The following MIR17HG variants were observed in gnomAD, a reference collection of about 807,000 sequenced individuals.
MIR17HG encodes miR-17-92a-1 cluster host gene.
Position 91,348,359 on chromosome 13 carries a change from C to T in MIR17HG, n.140+400C>T, listed in dbSNP as rs1362877173. On this transcript the variant is annotated intron_variant and non_coding_transcript_variant, in intron 1 of 3. Transcript: ENST00000400282. ...GGGGCGCGCGCGGGGCGTGGGGTCT[C>T]TGGGTAGGAAAGTTTCTCCCGAGGG... 2.0e-5 allele frequency among the ~76,000 whole-genome samples: 3 copies of T among 150,842 alleles called. 1 individual carries two copies. Among genetic ancestry groups the T allele is most frequent in the East Asian group, 3.9e-4 (2 of 5,078 alleles).
At chr13:91,353,219 A>G (rs1055508945) in intron 3 of MIR17HG, among the ~76,000 whole-genome samples, 1 of 151,718 alleles carries the variant, frequency 6.6e-6, no homozygotes, top group Non-Finnish European at 1.5e-5. Flanking sequence ...TAAAAACTGG[A>G]ACAGTGTGAT....
At chr13:91,348,565 G>T (rs1031692883) in intron 1 of MIR17HG, among the ~76,000 whole-genome samples, 1 of 151,250 alleles carries the variant, frequency 6.6e-6, no homozygotes, top group African/African-American at 2.4e-5. Context: ...CGCCGAGATC[G>T]GCGCGGCCTG....
intron 3 of MIR17HG, chr13:91,353,902 A>G (rs1875446965): frequency 6.6e-6 from 1 of 152,190 alleles, no homozygotes; most frequent in African/African-American, 2.4e-5. Context: ...TGGTGATTTT[A>G]CTGAAAACTT....
chr13:91,352,943 T>C (rs1226266919), intron 3 of MIR17HG, among the ~76,000 whole-genome samples: 1 of 151,708 alleles, frequency 6.6e-6, no homozygotes, highest in Non-Finnish European at 1.5e-5. Context: ...ACGCTGTCTC[T>C]ACTAAAAATA....
chr13:91,352,857 C>T (rs946999778), intron 3 of MIR17HG, among the ~76,000 whole-genome samples: 2 of 152,046 alleles, frequency 1.3e-5, no homozygotes, highest in Non-Finnish European at 2.9e-5. Context: ...ACCTATAATC[C>T]TAGCACTTGG....
At chr13:91,353,569 G>A (rs1776940594) in intron 3 of MIR17HG, among the ~76,000 whole-genome samples, 2 of 152,146 alleles carry the variant, frequency 1.3e-5, no homozygotes, top group African/African-American at 4.8e-5. Flanking sequence ...TGTAAGTATT[G>A]TATAAAAAGA....
intron 3 of MIR17HG, chr13:91,350,441 A>G: frequency 5.3e-6 from 2 of 373,896 alleles, no homozygotes; most frequent in Non-Finnish European, 1.1e-5. Flanking sequence ...AATGGACCTC[A>G]TATCTTTGAG....
At chr13:91,353,258 A>G (rs1021334996) in intron 3 of MIR17HG, among the ~76,000 whole-genome samples, 1 of 152,154 alleles carries the variant, frequency 6.6e-6, no homozygotes, top group Non-Finnish European at 1.5e-5. Flanking sequence ...TTTCTTAAAT[A>G]TTCTAAAATG....
chr13:91,353,471 GT>G (rs1159656903), intron 3 of MIR17HG, among the ~76,000 whole-genome samples: 3 of 152,244 alleles, frequency 2.0e-5, no homozygotes, highest in African/African-American at 7.2e-5. Flanking sequence ...CTTTTGATTT[GT>G]TTCTGGCTTT....
chr13:91,348,134 T>C (rs1875057091), intron 1 of MIR17HG, among the ~76,000 whole-genome samples: 1 of 103,554 alleles, frequency 9.7e-6, no homozygotes, highest in Non-Finnish European at 1.8e-5. Context: ...CGCATCTGGC[T>C]GCCCCCTCGC....
exon 4 of MIR17HG, chr13:91,354,198 A>G (rs566273981): frequency 3.3e-5 from 5 of 152,226 alleles, no homozygotes; most frequent in Non-Finnish European, 7.3e-5. Flanking sequence ...GATGGAAATA[A>G]GATCATCATG....
intron 1 of MIR17HG, among the ~76,000 whole-genome samples, chr13:91,349,375 G>C (rs538436474): frequency 6.6e-6 from 1 of 152,232 alleles, no homozygotes; most frequent in South Asian, 2.1e-4. Context: ...AATAGTCTGT[G>C]GGCTGCTTTT....
At chr13:91,350,491 C>G (rs142404809) in intron 3 of MIR17HG, 2 of 481,614 alleles carry the variant, frequency 4.2e-6, no homozygotes, top group African/African-American at 4.0e-5. Flanking sequence ...AGGGATTATG[C>G]TGAATTTGTA....
intron 1 of MIR17HG, among the ~76,000 whole-genome samples, chr13:91,348,943 AAGG>A (rs1220042424): frequency 6.7e-6 from 1 of 148,712 alleles, no homozygotes; most frequent in Non-Finnish European, 1.5e-5. Context: ...GGGGGACACA[AAGG>A]AGGGGCGGCG....
At chr13:91,348,633 G>A (rs1287109293) in intron 1 of MIR17HG, among the ~76,000 whole-genome samples, 1 of 150,930 alleles carries the variant, frequency 6.6e-6, no homozygotes, top group African/African-American at 2.4e-5. Flanking sequence ...CTCGGGGCGG[G>A]GCCCGCAACT....
chr13:91,352,967 G>A (rs1034000883), intron 3 of MIR17HG, among the ~76,000 whole-genome samples: 2 of 151,752 alleles, frequency 1.3e-5, no homozygotes, highest in East Asian at 1.9e-4. Context: ...AAAATTAGCC[G>A]GGTGCAGTGG....
Position 91,349,474 on chromosome 13 carries a change from T to C in MIR17HG, n.141-224T>C, listed in dbSNP as rs568617143. ...TTTTAGGAGCTTATTTAGACATGTA[T>C]CTGATAGCTAAGGATTTTTCAACTT... On this transcript the variant is annotated intron_variant and non_coding_transcript_variant, in intron 1 of 3. Coordinates refer to ENST00000400282, the Ensembl canonical transcript of MIR17HG. Among the ~76,000 whole-genome samples, 7 of 152,240 alleles carry C rather than the reference T, an allele frequency of 4.6e-5. No individual in the cohort carries two copies. The East Asian group carries it at 1.2e-3, about 25-fold the overall frequency.
At chr13:91,351,161 TG>T (rs1385784935) in intron 3 of MIR17HG, 2 of 525,604 alleles carry the variant, frequency 3.8e-6, no homozygotes, top group South Asian at 2.8e-5. Context: ...AGCTTCGGCC[TG>T]TCGCCCAATC....
intron 3 of MIR17HG, chr13:91,351,462 C>T (rs1875310597): frequency 6.3e-6 from 3 of 473,964 alleles, no homozygotes; most frequent in South Asian, 4.6e-5. Flanking sequence ...GTTAAATGTA[C>T]AAGATACATG....
Sources: allele counts gnomAD v4.1 joint callset (sites outside exome capture counted in the v4.1 genomes callset), GRCh38; gene constraint gnomAD v4.1.1; transcripts MANE v1.5; gene names NCBI Gene and HGNC (gene_info 2026-07-23, HGNC 2026-07-21).